Variants in FSTL5 observed in about 807,000 individuals in gnomAD.
The protein encoded by FSTL5 is follistatin like 5.
A neutral mutation model predicts 89.1 loss-of-function variants in FSTL5; 62 were observed. The observed-to-expected ratio is 0.70, with a 90% CI of 0.57 to 0.86. The LOEUF (loss-of-function observed/expected upper bound fraction) is 0.86. FSTL5 is among the 40% of genes least tolerant of loss of function. The pLI is 0.00. For synonymous variants in FSTL5, 383 were observed against 346.2 expected (o/e 1.11, Z -1.18); for missense variants, 1,057 against 1,001.6 (o/e 1.06, Z -0.75).
intron 2 of FSTL5, among the ~76,000 whole-genome samples, chr4:162,067,424 G>A (rs958306969): frequency 7.9e-5 from 12 of 151,972 alleles, no homozygotes; most frequent in Admixed American, 7.9e-4. Context: ...TTGCTATTGT[G>A]AATTATGCTG....
At position 162,160,156 on chromosome 4, in the gene FSTL5, A is replaced by C. The variant is rs149500541; in HGVS notation, c.-17+3459T>G. On this transcript the variant is annotated intron_variant, in intron 1 of 15. Transcript: ENST00000306100. ...CATAAATTCATACACACGTATATAC[A>C]TTCTAATTGTCTCAATTACTTATAC... Among the ~76,000 whole-genome samples, 1,467 of 152,032 alleles carry C rather than the reference A, an allele frequency of 9.6e-3. 27 individuals carry two copies. The highest frequency in any genetic ancestry group is 0.034 in the African/African-American group (1,404 of 41,552).
intron 3 of FSTL5, among the ~76,000 whole-genome samples, chr4:162,016,562 G>T (rs988545972): frequency 2.6e-5 from 4 of 151,898 alleles, no homozygotes; most frequent in Non-Finnish European, 4.4e-5. Flanking sequence ...GATTTTTTTT[G>T]AGTTTTAATT....
chr4:161,886,840 A>T (rs961742629), intron 4 of FSTL5, among the ~76,000 whole-genome samples: 3 of 152,216 alleles, frequency 2.0e-5, no homozygotes, highest in African/African-American at 7.2e-5. Flanking sequence ...ATTGAAATAC[A>T]TCACAAATAT....
intron 7 of FSTL5, among the ~76,000 whole-genome samples, chr4:161,612,107 T>C (rs1275413069): frequency 2.0e-5 from 3 of 152,156 alleles, no homozygotes; most frequent in African/African-American, 2.4e-5. Flanking sequence ...TTTATAATAA[T>C]TAACAACTTA....
At chr4:162,094,001 T>C (rs559078790) in intron 2 of FSTL5, among the ~76,000 whole-genome samples, 128 of 152,214 alleles carry the variant, frequency 8.4e-4, no homozygotes, top group African/African-American at 3.0e-3. Context: ...GTAGACAAAA[T>C]AAAGCTAAAA....
At chr4:161,520,109 T>A (rs980057425) in intron 10 of FSTL5, among the ~76,000 whole-genome samples, 6 of 152,054 alleles carry the variant, frequency 3.9e-5, no homozygotes, top group African/African-American at 1.4e-4. Context: ...ACTCTCCTTA[T>A]CATTGCAGAG....
chr4:161,795,500 T>C (rs1245644775), intron 4 of FSTL5, among the ~76,000 whole-genome samples: 2 of 152,068 alleles, frequency 1.3e-5, no homozygotes, highest in Admixed American at 1.3e-4. Flanking sequence ...AGTTCCTTCC[T>C]TCCTTTTGAA....
chr4:161,763,859 T>C (rs760421783), intron 5 of FSTL5, among the ~76,000 whole-genome samples: 1 of 152,098 alleles, frequency 6.6e-6, no homozygotes, highest in Non-Finnish European at 1.5e-5. Flanking sequence ...GAATGTACAT[T>C]TCCGGGTATT....
intron 7 of FSTL5, among the ~76,000 whole-genome samples, chr4:161,618,940 T>A (rs1425824771): frequency 6.6e-6 from 1 of 152,204 alleles, no homozygotes; most frequent in African/African-American, 2.4e-5. Context: ...CTTCAAACTA[T>A]ACTATAAGGC....
chr4:161,419,241 T>C (rs950046901), intron 15 of FSTL5, among the ~76,000 whole-genome samples: 3 of 152,224 alleles, frequency 2.0e-5, no homozygotes, highest in African/African-American at 7.2e-5. Flanking sequence ...TATGTCCTCT[T>C]TATTATTTGC....
At chr4:162,132,436 A>C (rs2111460625) in intron 1 of FSTL5, among the ~76,000 whole-genome samples, 1 of 152,280 alleles carries the variant, frequency 6.6e-6, no homozygotes, top group East Asian at 1.9e-4. Context: ...GAGACCACGA[A>C]CCCACCAGAA....
chr4:161,954,798 T>G (rs899082192), intron 3 of FSTL5, among the ~76,000 whole-genome samples: 1 of 151,638 alleles, frequency 6.6e-6, no homozygotes, highest in East Asian at 1.9e-4. Flanking sequence ...TCAAATGTCT[T>G]TAGCAAATTA....
intron 8 of FSTL5, among the ~76,000 whole-genome samples, chr4:161,547,321 G>A (rs1732041622): frequency 6.6e-6 from 1 of 151,966 alleles, no homozygotes; most frequent in Admixed American, 6.6e-5. Flanking sequence ...TCATTTCTCT[G>A]TTTATTATTG....
At chr4:161,515,605 A>T (rs1172065309) in intron 10 of FSTL5, among the ~76,000 whole-genome samples, 1 of 150,898 alleles carries the variant, frequency 6.6e-6, no homozygotes, top group Non-Finnish European at 1.5e-5. Flanking sequence ...ATAATTTTTC[A>T]TTCCTTTTAT....
At chr4:162,090,499 C>T (rs1042328154) in intron 2 of FSTL5, among the ~76,000 whole-genome samples, 1 of 152,062 alleles carries the variant, frequency 6.6e-6, no homozygotes, top group Admixed American at 6.6e-5. Flanking sequence ...AGCTCAAAAT[C>T]ACTAAGCATT....
At chr4:162,104,362 C>G (rs2111391220) in intron 2 of FSTL5, among the ~76,000 whole-genome samples, 1 of 152,198 alleles carries the variant, frequency 6.6e-6, no homozygotes, top group East Asian at 1.9e-4. Flanking sequence ...AGGCCAAGAA[C>G]CCCAGGTCAG....
intron 2 of FSTL5, among the ~76,000 whole-genome samples, chr4:162,103,167 T>C (rs1205095472): frequency 1.3e-5 from 2 of 152,202 alleles, no homozygotes; most frequent in African/African-American, 4.8e-5. Flanking sequence ...CTTTATTTAC[T>C]TGCTTTAGTT....
At chr4:161,538,378 C>G (rs1203160895) in intron 9 of FSTL5, 78 bp from the exon 10 acceptor site, 2 of 1,495,464 alleles carry the variant, frequency 1.3e-6, no homozygotes, top group Non-Finnish European at 9.3e-7. Context: ...CACAGTCAAA[C>G]AGTTCTCTTG....
At chr4:161,712,883 T>A (rs1226405639) in intron 6 of FSTL5, among the ~76,000 whole-genome samples, 1 of 152,142 alleles carries the variant, frequency 6.6e-6, no homozygotes, top group Non-Finnish European at 1.5e-5. Flanking sequence ...CACTGTTTCC[T>A]CCTTTGCCTT....
Sources: gnomAD v4.1 joint callset for allele counts (sites outside exome capture counted in the v4.1 genomes callset) on GRCh38, gnomAD v4.1.1 for gene constraint, MANE v1.5 for transcripts, NCBI Gene and HGNC (gene_info 2026-07-23, HGNC 2026-07-21) for gene names.